Variants in CCDC47 observed in about 807,000 individuals in gnomAD.
The protein encoded by CCDC47 is PAT complex subunit CCDC47.
A neutral mutation model predicts 60.5 loss-of-function variants in CCDC47; 41 were observed. The ratio of observed to expected loss-of-function variants is 0.68; its 90% CI spans 0.53 to 0.88. CCDC47 has a LOEUF of 0.88. Among genes scored for constraint, CCDC47 ranks in the 40% least tolerant of loss-of-function variants. CCDC47 has a pLI of 0.00. For synonymous variants in CCDC47, 195 were observed against 190.7 expected (o/e 1.02, Z -0.18); for missense variants, 513 against 580.9 (o/e 0.88, Z 1.20).
chr17:63,746,198 G>C lies in CCDC47; in HGVS notation c.*683C>G, dbSNP rs1365094769. 1.3e-5 allele frequency: 2 copies of C among 152,126 alleles called. No homozygotes were observed. Among genetic ancestry groups the C allele is most frequent in the African/African-American group, 4.8e-5 (2 of 41,424 alleles). The allele number at this position is 152,126 out of a possible 1,614,324, so 9.4% of individuals were successfully genotyped here. ...ACGTTGTCACTGGTTCGTGGTATCA[G>C]GTAAGGAAAAAATGATGCTCCTGTC... On this transcript the variant is annotated 3_prime_UTR_variant, in exon 13 of 13. Coordinates refer to ENST00000225726, the MANE Select transcript of CCDC47 (RefSeq NM_020198.3).
At chr17:63,751,534 A>G (rs2039165494) in intron 12 of CCDC47, among the ~76,000 whole-genome samples, 1 of 152,072 alleles carries the variant, frequency 6.6e-6, no homozygotes. Context: ...GAAAACAAAA[A>G]TACAAACAAA....
chr17:63,747,708 G>A, intron 12 of CCDC47: 1 of 985,078 alleles, frequency 1.0e-6, no homozygotes, highest in Non-Finnish European at 1.2e-6. Flanking sequence ...AATGTGCTCA[G>A]AAATATACTC....
In CCDC47 at chr17:63,746,121, T is replaced by C. The variant is rs2039118552; in HGVS notation, c.*760A>G. On this transcript the variant is annotated 3_prime_UTR_variant, in exon 13 of 13. Transcript: ENST00000225726. ...ACCTAGGTGAAGCATTAATTTTTCA[T>C]GCATTTGTTACTCAAGAAAATAAAC... 1 of 152,242 alleles carries C rather than the reference T, an allele frequency of 6.6e-6. No individual in the cohort carries two copies. The highest frequency in any genetic ancestry group is 1.9e-4 in the East Asian group (1 of 5,200). 9.4% of individuals were successfully genotyped at this position (152,242 alleles called of 1,614,324 possible).
chr17:63,754,159 C>G (rs1420451261), intron 9 of CCDC47, among the ~76,000 whole-genome samples: 1 of 152,074 alleles, frequency 6.6e-6, no homozygotes, highest in Non-Finnish European at 1.5e-5. Context: ...TTATTAGTAC[C>G]AGCCATTCTG....
chr17:63,761,506 CCT>C, intron 4 of CCDC47, 155 bp from the exon 5 acceptor site: 1 of 506,920 alleles, frequency 2.0e-6, no homozygotes, highest in South Asian at 3.9e-5. Flanking sequence ...ATGGTGAAAC[CCT>C]GTCCCTACTA....
chr17:63,771,844 G>A (rs1239786753), intron 1 of CCDC47, among the ~76,000 whole-genome samples: 1 of 152,146 alleles, frequency 6.6e-6, no homozygotes. Context: ...CACTTTGGGA[G>A]GCCGAGGTGG....
At chr17:63,766,750 G>C in intron 1 of CCDC47, 2 of 844,180 alleles carry the variant, frequency 2.4e-6, no homozygotes, top group South Asian at 1.1e-4. Flanking sequence ...CTTTAGGTTG[G>C]GTTTTCTAAA....
rs1330455403 is a variant in CCDC47, at chr17:63,746,855, T to A, written c.*26A>T. 2 of 1,544,020 alleles carry A rather than the reference T, an allele frequency of 1.3e-6. No individual in the cohort carries two copies. The highest frequency in any genetic ancestry group is 1.8e-6 in the Non-Finnish European group (2 of 1,116,480). ...GTGAATTCAGAGCTTACAGGTGGCA[T>A]CAGAACTCAAATCTCTGGGATGGCT... On this transcript the variant is annotated 3_prime_UTR_variant, in exon 13 of 13. Coordinates refer to ENST00000225726, the MANE Select transcript of CCDC47 (RefSeq NM_020198.3).
intron 12 of CCDC47, among the ~76,000 whole-genome samples, chr17:63,749,167 G>T (rs944508719): frequency 3.3e-5 from 5 of 152,010 alleles, no homozygotes; most frequent in Non-Finnish European, 7.4e-5. Flanking sequence ...AGCACTTTGA[G>T]AGGCCGAGGT....
At chr17:63,756,672 C>T (rs907391382) in intron 6 of CCDC47, 102 bp from the exon 7 acceptor site, 26 of 749,992 alleles carry the variant, frequency 3.5e-5, no homozygotes, top group Middle Eastern at 5.2e-4. Flanking sequence ...GGTGCATATA[C>T]TCTCCCTTTA....
chr17:63,766,368 C>A (rs1165382556), intron 1 of CCDC47, among the ~76,000 whole-genome samples, 174 bp from the exon 2 acceptor site: 2 of 152,196 alleles, frequency 1.3e-5, no homozygotes, highest in Non-Finnish European at 2.9e-5. Flanking sequence ...GGGTTCTAGT[C>A]TGGATCCTGG....
chr17:63,771,274 T>C (rs1490648502), intron 1 of CCDC47, among the ~76,000 whole-genome samples: 1 of 152,050 alleles, frequency 6.6e-6, no homozygotes, highest in Non-Finnish European at 1.5e-5. Context: ...CTAGAGATAA[T>C]TATATAGTGT....
At chr17:63,748,290 C>G (rs937564909) in intron 12 of CCDC47, among the ~76,000 whole-genome samples, 1 of 150,016 alleles carries the variant, frequency 6.7e-6, no homozygotes, top group African/African-American at 2.5e-5. Flanking sequence ...TTTTTGTATT[C>G]TTAGTAGAGA....
chr17:63,772,401 T>C (rs1425860920), intron 1 of CCDC47, among the ~76,000 whole-genome samples: 1 of 151,736 alleles, frequency 6.6e-6, no homozygotes, highest in Non-Finnish European at 1.5e-5. Flanking sequence ...CTACAGGCGC[T>C]CGCCACCACG....
intron 9 of CCDC47, chr17:63,753,753 CACACA>C: frequency 1.0e-5 from 3 of 296,694 alleles, no homozygotes; most frequent in Non-Finnish European, 1.5e-5. Context: ...AATTACAAAA[CACACA>C]GATTTGTAAT....
Position 63,745,914 on chromosome 17 carries a change from T to C in CCDC47, c.*967A>G, listed in dbSNP as rs1289921909. On this transcript the variant is annotated 3_prime_UTR_variant, in exon 13 of 13. Coordinates refer to ENST00000225726, the MANE Select transcript of CCDC47 (RefSeq NM_020198.3). ...TCATTTTCAAAAGTATACTTACACA[T>C]ATTCATGGCCATTTCTTTGAAAGAA... The C allele has an allele frequency of 6.6e-6, 1 of 152,174 alleles. No individual in the cohort carries two copies. The highest frequency in any genetic ancestry group is 1.5e-5 in the Non-Finnish European group (1 of 68,036). 9.4% of individuals were successfully genotyped at this position (152,174 alleles called of 1,614,324 possible). A position where few individuals can be genotyped will look rare whatever the true frequency, so the allele number is the denominator to read the frequency against.
chr17:63,757,457 A>AGAG (rs2039216441), intron 6 of CCDC47, among the ~76,000 whole-genome samples: 1 of 152,226 alleles, frequency 6.6e-6, no homozygotes, highest in South Asian at 2.1e-4. Flanking sequence ...AATGACATTA[A>AGAG]GAGGACCCTA....
chr17:63,749,542 A>G (rs1282879635), intron 12 of CCDC47, among the ~76,000 whole-genome samples: 1 of 151,420 alleles, frequency 6.6e-6, no homozygotes, highest in East Asian at 1.9e-4. Context: ...TCACGAGGTC[A>G]AGAGATTGAA....
chr17:63,759,387 G>A (rs1212987096), intron 6 of CCDC47, among the ~76,000 whole-genome samples: 1 of 147,214 alleles, frequency 6.8e-6, no homozygotes, highest in Non-Finnish European at 1.5e-5. Flanking sequence ...TGCTTGGGAG[G>A]CTGAGGCAGG....
Sources: gnomAD v4.1 joint callset for allele counts (sites outside exome capture counted in the v4.1 genomes callset) on GRCh38, gnomAD v4.1.1 for gene constraint, MANE v1.5 for transcripts, NCBI Gene and HGNC (gene_info 2026-07-23, HGNC 2026-07-21) for gene names.